The following ITGA4 variants were observed in gnomAD, a reference collection of about 807,000 sequenced individuals.
The protein encoded by ITGA4 is integrin subunit alpha 4.
ITGA4 carries 63 observed loss-of-function variants against 133.6 expected under a neutral mutation model. The ratio of observed to expected loss-of-function variants is 0.47; its 90% CI spans 0.38 to 0.58. The LOEUF is 0.58. ITGA4 is among the 20% of genes least tolerant of loss of function. ITGA4 has a pLI of 0.00. For missense variants in ITGA4, 1,076 were observed against 1,252.7 expected, an observed-to-expected ratio of 0.86 and a Z score of 2.13; for synonymous variants, 483 against 438.0, an observed-to-expected ratio of 1.10 and a Z score of -1.28.
In ITGA4 at chr2:181,457,777, G is replaced by C; in HGVS notation, c.123G>C (p.Ala41=). 8.1e-6 allele frequency: 13 copies of C among 1,613,688 alleles called. No individual in the cohort carries two copies. The highest frequency in any genetic ancestry group is 1.1e-5 in the Non-Finnish European group (13 of 1,179,976). The change falls in exon 1 of 28, where the codon GCG becomes GCC. Residue 41 remains alanine (A), a synonymous_variant. Coordinates refer to ENST00000397033, the MANE Select transcript of ITGA4 (RefSeq NM_000885.6). The part of the protein sequence containing the change: ...GRPYNVDTES[A]LLYQGPHNTL... ...CCTACAACGTGGACACTGAGAGCGC[G>C]CTGCTTTACCAGGGCCCCCACAACA...
Position 181,495,879 on chromosome 2 carries a change from G to A in ITGA4, c.1482G>A (p.Val494=), listed in dbSNP as rs201766522. 1 of 1,613,946 alleles carries A rather than the reference G, an allele frequency of 6.2e-7. No individual in the cohort carries two copies. Among genetic ancestry groups the A allele is most frequent in the Non-Finnish European group, 8.5e-7 (1 of 1,179,974 alleles). ...GTGTTGAAAATGGATGGCCTTCTGT[G>A]TGCATAGATCTAACACTTTGTTTCT... ...FDCVENGWPS[V]CIDLTLCFSY... Residue 494 remains valine, a synonymous_variant, in exon 14 of 28, where the codon GTG becomes GTA. Transcript: ENST00000397033. This position sits in a 1 kb window ranked among gnomAD's most constrained non-coding sequence, Gnocchi z 4.3.
At chr2:181,524,501 T>G in intron 20 of ITGA4, 1 of 360,476 alleles carries the variant, frequency 2.8e-6, no homozygotes, top group African/African-American at 2.1e-5. Flanking sequence ...AACTGTGTAT[T>G]TGAAATCAAA....
Position 181,538,577 on chromosome 2 carries a change from G to A in ITGA4, c.*3050G>A, listed in dbSNP as rs1055188066. Among the ~76,000 whole-genome samples the A allele has an allele frequency of 5.3e-5, 8 of 152,176 alleles. No homozygotes were observed. The highest frequency in any genetic ancestry group is 7.4e-5 in the Non-Finnish European group (5 of 67,976). Reference sequence around the variant, plus strand: ...GTGTCACAATGCCTACCAAGAATGCGTTTGCAGGTTCCTAAACCTGTTTAT... The same window carrying A: ...GTGTCACAATGCCTACCAAGAATGCATTTGCAGGTTCCTAAACCTGTTTAT... On this transcript the variant is annotated 3_prime_UTR_variant, in exon 28 of 28. Coordinates refer to ENST00000397033, the MANE Select transcript of ITGA4 (RefSeq NM_000885.6).
Position 181,523,562 on chromosome 2 carries a change from C to A in ITGA4, c.2169+30C>A, listed in dbSNP as rs1019096530. 1.7e-6 allele frequency: 2 copies of A among 1,170,974 alleles called. No individual in the cohort carries two copies. The highest frequency in any genetic ancestry group is 1.3e-6 in the Non-Finnish European group (1 of 783,398). The allele number at this position is 1,170,974 out of a possible 1,614,324, so 72.5% of individuals were successfully genotyped here. ...GTGTTTCATATTTATGGCTTTTGTTCACTATCATGAATATTTTTTTCTATT... is the reference window on the plus strand; with the variant it reads ...GTGTTTCATATTTATGGCTTTTGTTAACTATCATGAATATTTTTTTCTATT... On this transcript the variant is annotated intron_variant, in intron 19 of 27. Coordinates refer to ENST00000397033, the MANE Select transcript of ITGA4 (RefSeq NM_000885.6). This position sits in a 1 kb window ranked among gnomAD's most constrained non-coding sequence, Gnocchi z 4.2.
Position 181,495,284 on chromosome 2 carries a change from G to C in ITGA4, c.1340-87G>C, listed in dbSNP as rs551093626. 1 of 917,538 alleles carries C rather than the reference G, an allele frequency of 1.1e-6. No individual in the cohort carries two copies. The highest frequency in any genetic ancestry group is 1.8e-6 in the Non-Finnish European group (1 of 549,108). The allele number at this position is 917,538 out of a possible 1,614,324, so 56.8% of individuals were successfully genotyped here. A position where few individuals can be genotyped will look rare whatever the true frequency, so the allele number is the denominator to read the frequency against. On this transcript the variant is annotated intron_variant, in intron 12 of 27. Transcript: ENST00000397033. The surrounding 1 kb of genome is among the most constrained non-coding windows in gnomAD (Gnocchi z 4.3). ...TAAATAGTGTTTTAGGTAGTCAAAG[G>C]TGATACGTAGTTAAGTATTTATGGC... is the stretch of plus-strand genomic sequence containing the variant.
At chr2:181,504,922 T>C (rs987426844) in intron 15 of ITGA4, among the ~76,000 whole-genome samples, 1 of 151,770 alleles carries the variant, frequency 6.6e-6, no homozygotes, top group Non-Finnish European at 1.5e-5. Flanking sequence ...GCTTACTAGA[T>C]AAAGGGACTG....
chr2:181,514,838 GAATT>G (rs1686575077), intron 17 of ITGA4, among the ~76,000 whole-genome samples: 1 of 151,966 alleles, frequency 6.6e-6, no homozygotes, highest in African/African-American at 2.4e-5. Context: ...GCATCTTAAT[GAATT>G]ATTTTTCTTT....
intron 22 of ITGA4, among the ~76,000 whole-genome samples, chr2:181,528,836 A>G (rs1176554380): frequency 2.6e-5 from 4 of 152,174 alleles, no homozygotes; most frequent in Admixed American, 2.0e-4. Context: ...TCAGTAGGCT[A>G]TATTTTGGCC....
chr2:181,500,536 C>T (rs1422014466), intron 15 of ITGA4, among the ~76,000 whole-genome samples: 1 of 152,132 alleles, frequency 6.6e-6, no homozygotes, highest in Non-Finnish European at 1.5e-5. Context: ...GCCTGGGTTG[C>T]TCCTGTGTTC....
chr2:181,520,725 G>T (rs1276223732), intron 17 of ITGA4, among the ~76,000 whole-genome samples: 1 of 152,024 alleles, frequency 6.6e-6, no homozygotes, highest in Non-Finnish European at 1.5e-5. Context: ...CACAACACTT[G>T]CCCGTTTGTG....
At chr2:181,471,923 A>G (rs1465257730) in intron 2 of ITGA4, among the ~76,000 whole-genome samples, 1 of 152,232 alleles carries the variant, frequency 6.6e-6, no homozygotes, top group Non-Finnish European at 1.5e-5. Context: ...CACACTGGAA[A>G]TAAAGTCCCA....
At chr2:181,462,344 G>T (rs1048312129) in intron 2 of ITGA4, among the ~76,000 whole-genome samples, 2 of 152,064 alleles carry the variant, frequency 1.3e-5, no homozygotes, top group African/African-American at 4.8e-5. Flanking sequence ...TATTACCTTA[G>T]CCAGCCTCCT....
intron 5 of ITGA4, chr2:181,479,361 AAC>A (rs1350055178): frequency 1.3e-5 from 2 of 152,148 alleles, no homozygotes; most frequent in East Asian, 3.9e-4. Context: ...TTTTCTTAAA[AAC>A]ACACTGTGAA....
chr2:181,527,441 A>AT, intron 22 of ITGA4, 54 bp downstream of exon 22: 1 of 1,186,760 alleles, frequency 8.4e-7, no homozygotes, highest in Non-Finnish European at 1.3e-6. Flanking sequence ...GATGTCACTG[A>AT]TGCATTGCTC....
intron 17 of ITGA4, among the ~76,000 whole-genome samples, chr2:181,514,833 T>G (rs1258374850): frequency 6.6e-6 from 1 of 152,154 alleles, no homozygotes; most frequent in Non-Finnish European, 1.5e-5. Context: ...AAAATGCATC[T>G]TAATGAATTA....
At chr2:181,522,859 G>C (rs763211082) in intron 18 of ITGA4, among the ~76,000 whole-genome samples, 1 of 152,120 alleles carries the variant, frequency 6.6e-6, no homozygotes, top group African/African-American at 2.4e-5. Flanking sequence ...ACTTGCAAAA[G>C]TAACAGTGGA....
At chr2:181,492,854 C>A (rs563997745) in intron 10 of ITGA4, among the ~76,000 whole-genome samples, 2 of 152,286 alleles carry the variant, frequency 1.3e-5, no homozygotes, top group South Asian at 4.1e-4. Flanking sequence ...AATAAAAATT[C>A]TTATGATCAA....
At chr2:181,485,375 T>C (rs1372608587) in intron 9 of ITGA4, among the ~76,000 whole-genome samples, 1 of 151,288 alleles carries the variant, frequency 6.6e-6, no homozygotes, top group African/African-American at 2.4e-5. Context: ...TGCCATTTCC[T>C]TTATGAAATG....
Position 181,535,497 on chromosome 2 carries a change from T to C in ITGA4, c.3069T>C (p.Ser1023=), listed in dbSNP as rs201935662. The C allele has an allele frequency of 5.6e-6, 9 of 1,609,454 alleles. No individual in the cohort carries two copies. In the South Asian group the frequency reaches 1.0e-4, roughly 18 times the overall value. Residue 1023 remains serine, a synonymous_variant, in exon 28 of 28, where the codon AGT becomes AGC. Transcript: ENST00000397033. ...LQEENRRDSW[S]YINSKSNDD Reference sequence around the variant, plus strand: ...AAGAAAACAGAAGAGACAGTTGGAGTTATATCAACAGTAAAAGCAATGATG... The same window carrying C: ...AAGAAAACAGAAGAGACAGTTGGAGCTATATCAACAGTAAAAGCAATGATG...
Sources: gnomAD v4.1 joint callset for allele counts (sites outside exome capture counted in the v4.1 genomes callset) on GRCh38, gnomAD v4.1.1 for gene constraint, Gnocchi (gnomAD v3.1) non-coding constraint, MANE v1.5 for transcripts, NCBI Gene and HGNC (gene_info 2026-07-23, HGNC 2026-07-21) for gene names.